RIMKLB: variants seen among roughly 807,000 people sequenced by gnomAD.
RIMKLB encodes the protein beta-citrylglutamate synthase B.
A neutral mutation model predicts 32.0 loss-of-function variants in RIMKLB; 7 were observed. The observed-to-expected ratio is 0.22, with a 90% CI of 0.12 to 0.41. RIMKLB has a LOEUF of 0.41. RIMKLB is among the 10% of genes least tolerant of loss of function. RIMKLB has a pLI of 1.00. For synonymous variants in RIMKLB, 172 were observed against 185.1 expected (o/e 0.93, Z 0.57); for missense variants, 289 against 498.7 (o/e 0.58, Z 4.00).
chr12:8,777,279 AT>A, downstream of RIMKLB: 1 of 956,512 alleles, frequency 1.0e-6, no homozygotes, highest in Non-Finnish European at 1.2e-6. Flanking sequence ...TTTAAAATAC[AT>A]TTAGGCACCT....
chr12:8,743,320 C>G (rs1487820442), intron 2 of RIMKLB, among the ~76,000 whole-genome samples: 1 of 143,366 alleles, frequency 7.0e-6, no homozygotes, highest in East Asian at 2.0e-4. Flanking sequence ...CGCCACTGCA[C>G]TCCAGCCTGG....
At chr12:8,700,647 T>A (rs936755275) in intron 1 of RIMKLB, 1 of 152,212 alleles carries the variant, frequency 6.6e-6, no homozygotes, top group Non-Finnish European at 1.5e-5. Flanking sequence ...TGCTGACAAC[T>A]GTTTTGGGGG....
In RIMKLB at chr12:8,774,535, T is replaced by A; in HGVS notation, c.*751T>A. Reference sequence around the variant, plus strand: ...TGCATTCACTTGTATTTGTTAGTGTTTTAGTCTTTTTTGAAAGATGTGCTC... The same window carrying A: ...TGCATTCACTTGTATTTGTTAGTGTATTAGTCTTTTTTGAAAGATGTGCTC... On this transcript the variant is annotated 3_prime_UTR_variant, in exon 6 of 6. Coordinates refer to ENST00000535829, the MANE Select transcript of RIMKLB (RefSeq NM_001297776.2). 2 of 983,536 alleles carry A rather than the reference T, an allele frequency of 2.0e-6. No individual in the cohort carries two copies. The highest frequency in any genetic ancestry group is 2.4e-6 in the Non-Finnish European group (2 of 827,880). The allele number at this position is 983,536 out of a possible 1,614,324, so 60.9% of individuals were successfully genotyped here.
At chr12:8,779,542 A>G (rs1322671502), downstream of RIMKLB, 1 of 152,234 alleles carries the variant, frequency 6.6e-6, no homozygotes, top group Non-Finnish European at 1.5e-5. Context: ...AGTAGAAGCA[A>G]TGTCACTTCA....
At chr12:8,673,028 C>T in the RIMKLB span, among the ~76,000 whole-genome samples, 1 of 152,130 alleles carries the variant, frequency 6.6e-6, no homozygotes, top group Non-Finnish European at 1.5e-5. Context: ...ATTACAGGTG[C>T]CCGCCACCAT....
intron 5 of RIMKLB, among the ~76,000 whole-genome samples, chr12:8,761,259 G>A (rs1949492900): frequency 7.0e-6 from 1 of 143,544 alleles, no homozygotes; most frequent in Non-Finnish European, 1.5e-5. Context: ...ACGAGAGGGT[G>A]AGGGGGAGAT....
chr12:8,736,540 G>A (rs1488653783), intron 2 of RIMKLB, among the ~76,000 whole-genome samples: 1 of 133,198 alleles, frequency 7.5e-6, no homozygotes, highest in Non-Finnish European at 1.5e-5. Flanking sequence ...TTTTTTTGAC[G>A]GGTCTTGCTC....
At chr12:8,697,979 T>C (rs369631612), upstream of RIMKLB, 130 of 154,352 alleles carry the variant, frequency 8.4e-4, 2 homozygotes, top group East Asian at 0.02. Context: ...GTGAGCGGGG[T>C]CGCGCGCGCG....
At position 8,752,047 on chromosome 12, in the gene RIMKLB, T is replaced by C. The variant is rs758052810; in HGVS notation, c.493+4T>C. ...AAGAATACGCGGGGTCACAGAGGTATGTATGAGTTGTTGGTAAGGTATATA... is the reference window on the plus strand; with the variant it reads ...AAGAATACGCGGGGTCACAGAGGTACGTATGAGTTGTTGGTAAGGTATATA... On this transcript the variant is annotated splice_donor_region_variant and intron_variant, in intron 4 of 5. Transcript: ENST00000535829. 1.3e-6 allele frequency: 2 copies of C among 1,563,604 alleles called. No homozygotes were observed. The highest frequency in any genetic ancestry group is 1.1e-5 in the South Asian group (1 of 89,718).
intron 1 of RIMKLB, among the ~76,000 whole-genome samples, chr12:8,704,955 A>G (rs2136775717): frequency 1.4e-5 from 2 of 146,716 alleles, no homozygotes; most frequent in South Asian, 4.2e-4. Flanking sequence ...GGTGCAGAGC[A>G]AGACCTCACC....
chr12:8,690,446 G>C lies in RIMKLB; in HGVS notation n.219+8628G>C, dbSNP rs778934684. Among the ~76,000 whole-genome samples the C allele has an allele frequency of 2.6e-5, 4 of 152,288 alleles. No homozygotes were observed. In the South Asian group the frequency reaches 6.2e-4, roughly 24 times the overall value. On this transcript the variant is annotated intron_variant and non_coding_transcript_variant, in intron 1 of 1. Coordinates refer to the RIMKLB transcript ENST00000538758. The stretch of plus-strand genomic sequence containing the variant: ...TCTAAGTAAAACTTTACTAAGAAGT[G>C]GGGGGAAACTGCAGACAATCCTTTT...
the RIMKLB span, among the ~76,000 whole-genome samples, chr12:8,670,141 G>T: frequency 9.9e-5 from 15 of 151,776 alleles, no homozygotes; most frequent in Non-Finnish European, 5.9e-5. Flanking sequence ...TTTAGGTGAG[G>T]ACACAGCCAA....
At chr12:8,739,699 C>A (rs1212220024) in intron 2 of RIMKLB, among the ~76,000 whole-genome samples, 1 of 152,088 alleles carries the variant, frequency 6.6e-6, no homozygotes, top group Non-Finnish European at 1.5e-5. Flanking sequence ...ATCTTGAACT[C>A]CTTGGGCTCA....
In RIMKLB at chr12:8,717,345, CATT is replaced by C. The variant is rs370552339; in HGVS notation, c.175+3307_175+3309del. 2.0e-3 allele frequency among the ~76,000 whole-genome samples: 307 copies of C among 152,252 alleles called. 1 individual carries two copies. The highest frequency in any genetic ancestry group is 7.0e-3 in the African/African-American group (293 of 41,566). ...TAAAAAATGTTACACGTCATTTACA[CATT>C]ATCTGTGCAATGTTTTCACAGTCAG... On this transcript the variant is annotated intron_variant, in intron 2 of 5. Transcript: ENST00000535829.
At chr12:8,758,224 G>A (rs1159939451) in intron 5 of RIMKLB, among the ~76,000 whole-genome samples, 4 of 149,066 alleles carry the variant, frequency 2.7e-5, no homozygotes, top group South Asian at 2.1e-4. Context: ...TTTTTTAATC[G>A]AGATTTTTTT....
downstream of RIMKLB, among the ~76,000 whole-genome samples, chr12:8,777,993 G>C (rs1343695484): frequency 2.0e-5 from 3 of 152,176 alleles, no homozygotes; most frequent in Admixed American, 2.0e-4. Context: ...ACTTGGTTAT[G>C]ATATACTCAA....
intron 2 of RIMKLB, among the ~76,000 whole-genome samples, chr12:8,735,229 A>C (rs1946887593): frequency 1.3e-5 from 2 of 151,934 alleles, no homozygotes; most frequent in African/African-American, 4.8e-5. Context: ...AGCAGGCTAA[A>C]ATTTTTTTTT....
intron 5 of RIMKLB, among the ~76,000 whole-genome samples, chr12:8,768,921 T>C (rs1219324831): frequency 6.6e-6 from 1 of 152,232 alleles, no homozygotes; most frequent in Non-Finnish European, 1.5e-5. Flanking sequence ...ATAGCTTTTG[T>C]ATTTTTAAAA....
intron 5 of RIMKLB, among the ~76,000 whole-genome samples, chr12:8,769,325 T>C (rs1325018356): frequency 6.6e-6 from 1 of 152,146 alleles, no homozygotes; most frequent in East Asian, 1.9e-4. Flanking sequence ...CATAATTGTT[T>C]TTTATATTTA....
Sources: allele counts gnomAD v4.1 joint callset (sites outside exome capture counted in the v4.1 genomes callset), GRCh38; gene constraint gnomAD v4.1.1; transcripts MANE v1.5; gene names NCBI Gene and HGNC (gene_info 2026-07-23, HGNC 2026-07-21).